KANK1: variants seen among roughly 807,000 people sequenced by gnomAD.
KANK1 encodes the protein KN motif and ankyrin repeat domain-containing protein 1.
KANK1 carries 109 observed loss-of-function variants against 106.2 expected under a neutral mutation model. The observed-to-expected ratio is 1.03, with a 90% CI of 0.88 to 1.20. KANK1 has a LOEUF of 1.20. KANK1 is among the 50% of genes most tolerant of loss of function. KANK1 has a pLI of 0.00. For missense variants in KANK1, 2,399 were observed against 1,710.7 expected (o/e 1.40, Z -7.10); for synonymous variants, 873 against 652.2 (o/e 1.34, Z -5.16).
rs143880438 is a variant in KANK1 at position 742,315 on chromosome 9, G to A, written c.3807G>A (p.Thr1269=). 88 of 1,613,914 alleles carry A rather than the reference G, an allele frequency of 5.5e-5. No individual in the cohort carries two copies. The Admixed American group carries it at 5.5e-4, about 10-fold the overall frequency. ...ACATCCAGGATGACGAGGGCTCCAC[G>A]GCCCTCATGTGTGCCAGCGAGCACG... ...DVNIQDDEGS[T]ALMCASEHGH... is the part of the protein sequence containing the mutation. The change falls in exon 10 of 12, where the codon ACG becomes ACA. Residue 1269 remains threonine, a synonymous_variant. Transcript: ENST00000382297.
rs1554675791 is a variant in KANK1 at position 670,978 on chromosome 9, T to TA, written c.-83-5911dup. Among the ~76,000 whole-genome samples, 163 of 103,008 alleles carry TA rather than the reference T, an allele frequency of 1.6e-3. 1 individual carries two copies. Among genetic ancestry groups the TA allele is most frequent in the African/African-American group, 5.0e-3 (156 of 30,956 alleles). The allele number at this position is 103,008 out of a possible 152,430, so 67.6% of individuals were successfully genotyped here. The stretch of plus-strand genomic sequence containing the variant: ...TTTTTTTTTTTTTTTTTTTTTTTTT[T>TA]ACTTCTCAGTGGCCCCAGGAACTGA... On this transcript the variant is annotated intron_variant, in intron 1 of 11. Coordinates refer to ENST00000382297, the MANE Select transcript of KANK1 (RefSeq NM_015158.5).
Position 745,164 on chromosome 9 carries a change from G to A in KANK1, c.3997-9G>A, listed in dbSNP as rs750387102. ...TAACCCCCAGTTTTTTTCCTTTCCT[G>A]GTCTCTAGGGCACCCCTAGGCTTGG... On this transcript the variant is annotated splice_polypyrimidine_tract_variant and intron_variant, in intron 11 of 11. Coordinates refer to ENST00000382297, the MANE Select transcript of KANK1 (RefSeq NM_015158.5). 6.8e-6 allele frequency: 11 copies of A among 1,612,712 alleles called. No homozygotes were observed. Among genetic ancestry groups the A allele is most frequent in the South Asian group, 3.3e-5 (3 of 90,828 alleles).
chr9:724,814 A>G (rs577077001), intron 3 of KANK1, among the ~76,000 whole-genome samples: 27 of 152,114 alleles, frequency 1.8e-4, no homozygotes, highest in African/African-American at 6.3e-4. Context: ...AAAAAACAAG[A>G]GTGTTCTGGC....
intron 3 of KANK1, among the ~76,000 whole-genome samples, chr9:476,130 G>T (rs1282429355): frequency 7.1e-6 from 1 of 140,458 alleles, no homozygotes; most frequent in Non-Finnish European, 1.5e-5. Flanking sequence ...GGCAACAAGA[G>T]CAAAACTCCA....
chr9:696,945 G>A (rs1375307506), intron 2 of KANK1, among the ~76,000 whole-genome samples: 3 of 152,154 alleles, frequency 2.0e-5, no homozygotes, highest in African/African-American at 7.2e-5. Flanking sequence ...TTGATGCACA[G>A]ATGAAGAAAG....
At chr9:514,973 C>G (rs181085643) in intron 1 of KANK1, among the ~76,000 whole-genome samples, 9 of 151,696 alleles carry the variant, frequency 5.9e-5, no homozygotes, top group Admixed American at 4.6e-4. Flanking sequence ...GTTATTGATT[C>G]CCTAGATGAC....
chr9:694,937 G>T (rs556637931), intron 2 of KANK1, among the ~76,000 whole-genome samples: 1 of 152,070 alleles, frequency 6.6e-6, no homozygotes, highest in Non-Finnish European at 1.5e-5. Context: ...TTTTCTTCAT[G>T]CCATGTTAAG....
chr9:578,225 T>A (rs1000539034), intron 1 of KANK1, among the ~76,000 whole-genome samples: 4 of 152,212 alleles, frequency 2.6e-5, no homozygotes, highest in Non-Finnish European at 4.4e-5. Context: ...TTTTGTTTTA[T>A]TTGCTTCAAA....
chr9:611,932 A>G (rs938759373), intron 1 of KANK1, among the ~76,000 whole-genome samples: 3 of 152,102 alleles, frequency 2.0e-5, no homozygotes, highest in Non-Finnish European at 4.4e-5. Flanking sequence ...GTTAGCCAGG[A>G]TGGTCTCGAT....
intron 7 of KANK1, among the ~76,000 whole-genome samples, chr9:736,800 A>G (rs1475854371): frequency 6.6e-6 from 1 of 152,216 alleles, no homozygotes; most frequent in Non-Finnish European, 1.5e-5. Context: ...GGTCACTAGT[A>G]AAACCATAAA....
At chr9:627,444 T>A (rs1834629726) in intron 1 of KANK1, among the ~76,000 whole-genome samples, 1 of 152,164 alleles carries the variant, frequency 6.6e-6, no homozygotes, top group South Asian at 2.1e-4. Flanking sequence ...GGAGAGGACC[T>A]TTTTCTCTTA....
At chr9:471,592 T>C (rs2058022176) in intron 2 of KANK1, 3 of 152,178 alleles carry the variant, frequency 2.0e-5, no homozygotes, top group Admixed American at 2.0e-4. Flanking sequence ...TTGAGGTGAG[T>C]TGGCATTTTT....
intron 1 of KANK1, among the ~76,000 whole-genome samples, chr9:587,255 G>C (rs1823722088): frequency 6.6e-6 from 1 of 150,996 alleles, no homozygotes; most frequent in South Asian, 2.1e-4. Context: ...CCAATGATCT[G>C]TTCAGACTGC....
intron 1 of KANK1, among the ~76,000 whole-genome samples, chr9:596,879 C>A (rs1056980925): frequency 2.0e-5 from 3 of 151,772 alleles, no homozygotes; most frequent in Non-Finnish European, 4.4e-5. Flanking sequence ...AAACCCCGTA[C>A]CCAGTAATCA....
chr9:470,430 A>G (rs1432309462), intron 1 of KANK1: 3 of 152,496 alleles, frequency 2.0e-5, no homozygotes, highest in African/African-American at 7.2e-5. Context: ...AACACTGTGA[A>G]GCTCAGGGAA....
chr9:706,024 T>A (rs1326646259), intron 2 of KANK1, among the ~76,000 whole-genome samples: 1 of 152,108 alleles, frequency 6.6e-6, no homozygotes, highest in Non-Finnish European at 1.5e-5. Flanking sequence ...AGTGCCTAAT[T>A]TATGTTGATG....
At chr9:684,263 T>A in intron 2 of KANK1, 1 of 985,402 alleles carries the variant, frequency 1.0e-6, no homozygotes, top group Non-Finnish European at 1.2e-6. Context: ...GAAAGGATGA[T>A]TTATCTTCCA....
intron 2 of KANK1, among the ~76,000 whole-genome samples, chr9:698,890 A>C (rs973796986): frequency 1.3e-5 from 2 of 151,964 alleles, no homozygotes; most frequent in African/African-American, 2.4e-5. Flanking sequence ...TGATCATTTC[A>C]CTCCCTTGTT....
chr9:675,076 C>A (rs1360541885), intron 1 of KANK1, among the ~76,000 whole-genome samples: 1 of 152,020 alleles, frequency 6.6e-6, no homozygotes, highest in Non-Finnish European at 1.5e-5. Context: ...ATTTCATCAC[C>A]CAGAGGCAAC....
Sources: allele counts gnomAD v4.1 joint callset (sites outside exome capture counted in the v4.1 genomes callset), GRCh38; gene constraint gnomAD v4.1.1; transcripts MANE v1.5; gene names NCBI Gene and HGNC (gene_info 2026-07-23, HGNC 2026-07-21).